The following UTP20 variants were observed in gnomAD, a reference collection of about 807,000 sequenced individuals.
UTP20 encodes small subunit processome component 20 homolog.
Under a neutral mutation model 329.5 loss-of-function variants are expected in UTP20, and 164 were observed. The observed-to-expected ratio is 0.50, with a 90% CI of 0.44 to 0.57. UTP20 has a LOEUF of 0.57. Ranked by LOEUF, UTP20 falls within the 20% of genes least tolerant of loss-of-function variation. UTP20 has a pLI of 0.00. For missense variants in UTP20, 3,055 were observed against 3,284.2 expected, an observed-to-expected ratio of 0.93 and a Z score of 1.71; for synonymous variants, 1,151 against 1,159.3, an observed-to-expected ratio of 0.99 and a Z score of 0.14.
chr12:101,341,224 C>T (rs530495725), intron 32 of UTP20, among the ~76,000 whole-genome samples: 24 of 152,100 alleles, frequency 1.6e-4, no homozygotes, highest in African/African-American at 5.3e-4. Flanking sequence ...GTGATCTGCC[C>T]GCCTCGGCCT....
At chr12:101,310,720 C>T (rs915837386) in intron 19 of UTP20, among the ~76,000 whole-genome samples, 1 of 152,106 alleles carries the variant, frequency 6.6e-6, no homozygotes, top group African/African-American at 2.4e-5. Context: ...TTCAAAACCC[C>T]AACGATTAGT....
At chr12:101,342,725 G>A in intron 33 of UTP20, 62 bp from the exon 34 acceptor site, 1 of 1,558,480 alleles carries the variant, frequency 6.4e-7, no homozygotes, top group East Asian at 2.2e-5. Flanking sequence ...TAGCTGAGGG[G>A]AGGAGGGCAG....
intron 60 of UTP20, 144 bp from the exon 61 acceptor site, chr12:101,385,439 A>T: frequency 1.1e-6 from 1 of 891,118 alleles, no homozygotes; most frequent in Non-Finnish European, 1.7e-6. Context: ...ATGCTGCAAG[A>T]GTTGAAATTT....
chr12:101,384,646 C>G (rs1197184684), intron 60 of UTP20, among the ~76,000 whole-genome samples: 2 of 152,026 alleles, frequency 1.3e-5, no homozygotes, highest in African/African-American at 4.8e-5. Flanking sequence ...GATACATTTC[C>G]CTCACTTATT....
chr12:101,336,072 A>G (rs1466729773), intron 29 of UTP20, among the ~76,000 whole-genome samples: 1 of 152,136 alleles, frequency 6.6e-6, no homozygotes, highest in African/African-American at 2.4e-5. Context: ...CTTTTCTGCA[A>G]TTTCTCATTT....
intron 56 of UTP20, 69 bp from the exon 57 acceptor site, chr12:101,379,302 A>C: frequency 7.2e-7 from 1 of 1,380,224 alleles, no homozygotes; most frequent in Non-Finnish European, 9.8e-7. Context: ...GTAAATGCTT[A>C]ACTTAGTCAT....
intron 25 of UTP20, among the ~76,000 whole-genome samples, chr12:101,324,096 C>A (rs1218834803): frequency 6.6e-6 from 1 of 151,632 alleles, no homozygotes; most frequent in African/African-American, 2.4e-5. Context: ...GAGATCGCGC[C>A]ACTGTACTCC....
intron 61 of UTP20, 96 bp downstream of exon 61, chr12:101,385,824 G>C (rs1870808836): frequency 2.0e-6 from 3 of 1,514,586 alleles, no homozygotes; most frequent in African/African-American, 2.8e-5. Context: ...GAGGATCAAG[G>C]GTTTGAGCGG....
chr12:101,312,796 G>A (rs955878177), intron 21 of UTP20, among the ~76,000 whole-genome samples: 14 of 152,200 alleles, frequency 9.2e-5, no homozygotes, highest in African/African-American at 2.4e-4. Context: ...CAGCTACAAA[G>A]CACTGGCTCT....
chr12:101,359,873 C>A (rs1336613681), intron 43 of UTP20, among the ~76,000 whole-genome samples: 1 of 152,142 alleles, frequency 6.6e-6, no homozygotes, highest in Non-Finnish European at 1.5e-5. Flanking sequence ...AACTGTAGTT[C>A]CAATGAATGG....
Position 101,386,122 on chromosome 12 carries a change from A to G in UTP20, c.8357A>G (p.Ter2786=). 1 of 1,604,434 alleles carries G rather than the reference A, an allele frequency of 6.2e-7. No individual in the cohort carries two copies. The highest frequency in any genetic ancestry group is 8.5e-7 in the Non-Finnish European group (1 of 1,178,172). ...HSLKDLAMVE[*] is the part of the protein sequence containing the mutation. ...CTGAAAGATTTAGCAATGGTGGAGT[A>G]ATGTCTCCCTGTGCTGATACAAGCA... Residue 2786 remains the stop codon, a stop_retained_variant, in exon 62 of 62, where the codon TAA becomes TGA. Transcript: ENST00000261637.
intron 22 of UTP20, among the ~76,000 whole-genome samples, chr12:101,318,971 A>G (rs1457698325): frequency 6.6e-6 from 1 of 152,132 alleles, no homozygotes; most frequent in African/African-American, 2.4e-5. Context: ...GATTATGGCC[A>G]GCCTTCATGT....
chr12:101,368,595 C>A (rs191664835), intron 48 of UTP20, among the ~76,000 whole-genome samples: 4 of 152,144 alleles, frequency 2.6e-5, no homozygotes, highest in African/African-American at 9.7e-5. Context: ...CTCACAACTT[C>A]ATGAGGGTGA....
chr12:101,294,794 T>C (rs528672511), intron 11 of UTP20, among the ~76,000 whole-genome samples: 10 of 152,306 alleles, frequency 6.6e-5, no homozygotes, highest in Admixed American at 2.0e-4. Flanking sequence ...TCTGCCTGCC[T>C]CGGCCTCCCA....
chr12:101,281,239 G>A (rs752078631), intron 2 of UTP20, 43 bp downstream of exon 2: 1 of 1,532,350 alleles, frequency 6.5e-7, no homozygotes, highest in Non-Finnish European at 9.0e-7. Flanking sequence ...TGTTCATGGT[G>A]TTTTAGTTTC....
chr12:101,285,261 A>T (rs1305070235), intron 2 of UTP20, among the ~76,000 whole-genome samples: 1 of 152,198 alleles, frequency 6.6e-6, no homozygotes, highest in Non-Finnish European at 1.5e-5. Flanking sequence ...TAAAGAACCA[A>T]CACCTTATTC....
At chr12:101,340,747 T>TA (rs1224178516) in intron 32 of UTP20, 137 bp downstream of exon 32, 1 of 606,422 alleles carries the variant, frequency 1.6e-6, no homozygotes, top group African/African-American at 1.9e-5. Flanking sequence ...ATATAGAAAT[T>TA]AAAAAAATTA....
intron 48 of UTP20, among the ~76,000 whole-genome samples, chr12:101,368,515 T>G (rs1870174562): frequency 6.6e-6 from 1 of 152,102 alleles, no homozygotes; most frequent in African/African-American, 2.4e-5. Context: ...AATTTACTAA[T>G]TCTATAAATT....
intron 38 of UTP20, among the ~76,000 whole-genome samples, chr12:101,347,036 G>A (rs1593442352): frequency 6.6e-6 from 1 of 152,234 alleles, no homozygotes; most frequent in East Asian, 1.9e-4. Flanking sequence ...CTCTGGAGTA[G>A]GGTAGGGACT....
Sources: gnomAD v4.1 joint callset for allele counts (sites outside exome capture counted in the v4.1 genomes callset) on GRCh38, gnomAD v4.1.1 for gene constraint, MANE v1.5 for transcripts, NCBI Gene and HGNC (gene_info 2026-07-23, HGNC 2026-07-21) for gene names.